The following RAB38 variants were observed in gnomAD, a reference collection of about 807,000 sequenced individuals.
The protein encoded by RAB38 is ras-related protein Rab-38.
A neutral mutation model predicts 18.4 loss-of-function variants in RAB38; 15 were observed. The observed-to-expected ratio is 0.82, with a 90% CI of 0.55 to 1.26. The LOEUF is 1.26. RAB38 is among the 50% of genes most tolerant of loss of function. The pLI is 0.00. For missense variants in RAB38, 294 were observed against 267.4 expected (o/e 1.10, Z -0.69); for synonymous variants, 101 against 104.4 (o/e 0.97, Z 0.20).
chr11:88,071,749 C>G, the RAB38 span, among the ~76,000 whole-genome samples: 1 of 152,072 alleles, frequency 6.6e-6, no homozygotes, highest in Admixed American at 6.6e-5. Flanking sequence ...AGAAAGAATC[C>G]CTTTATGATA....
chr11:87,971,973 T>A, the RAB38 span, among the ~76,000 whole-genome samples: 1 of 151,882 alleles, frequency 6.6e-6, no homozygotes, highest in Non-Finnish European at 1.5e-5. Flanking sequence ...CCACCTGAAC[T>A]GACTCCACTA....
chr11:87,976,518 T>G, the RAB38 span, among the ~76,000 whole-genome samples: 1 of 14 alleles, frequency 0.071, no homozygotes, highest in Admixed American at 0.17. Context: ...TATATTTATA[T>G]TTTATATATA....
the RAB38 span, among the ~76,000 whole-genome samples, chr11:88,087,488 T>A: frequency 6.6e-6 from 1 of 151,874 alleles, no homozygotes; most frequent in Admixed American, 6.6e-5. Flanking sequence ...AGGAAAGAAT[T>A]CAAGGGCAAG....
the RAB38 span, among the ~76,000 whole-genome samples, chr11:87,966,177 C>A: frequency 2.6e-5 from 4 of 151,836 alleles, no homozygotes; most frequent in Admixed American, 6.6e-5. Flanking sequence ...CTCAACCAGA[C>A]GATAGTAGCC....
Position 88,118,426 on chromosome 11 carries a change from A to G in RAB38, c.484-4286T>C, listed in dbSNP as rs1306105939. 3.9e-5 allele frequency among the ~76,000 whole-genome samples: 6 copies of G among 152,194 alleles called. No individual in the cohort carries two copies. The East Asian group carries it at 7.7e-4, about 20-fold the overall frequency. ...CTGCCTGATAGAATTGCAGGTTCAG[A>G]CCCTTTGGGCAATTAGATTGCAATA... On this transcript the variant is annotated intron_variant, in intron 2 of 2. Transcript: ENST00000243662.
the RAB38 span, among the ~76,000 whole-genome samples, chr11:87,912,650 C>G: frequency 6.6e-6 from 1 of 151,568 alleles, no homozygotes; most frequent in Non-Finnish European, 1.5e-5. Flanking sequence ...CTTTAAAGAA[C>G]CAGCTTTTGG....
the RAB38 span, among the ~76,000 whole-genome samples, chr11:87,906,985 A>G: frequency 6.6e-6 from 1 of 151,850 alleles, no homozygotes; most frequent in Non-Finnish European, 1.5e-5. Context: ...GTATTAAGAT[A>G]TTTTCAGGTT....
the RAB38 span, among the ~76,000 whole-genome samples, chr11:87,832,570 C>T: frequency 6.6e-6 from 1 of 152,088 alleles, no homozygotes; most frequent in Non-Finnish European, 1.5e-5. Context: ...CACTGGGGGC[C>T]TCCCTTAACT....
the RAB38 span, among the ~76,000 whole-genome samples, chr11:88,036,305 G>T: frequency 1.3e-5 from 2 of 152,116 alleles, no homozygotes; most frequent in Non-Finnish European, 2.9e-5. Flanking sequence ...AGTGAAAAAT[G>T]ATGTTTAGAA....
At chr11:87,939,629 G>T in the RAB38 span, among the ~76,000 whole-genome samples, 1 of 152,082 alleles carries the variant, frequency 6.6e-6, no homozygotes, top group East Asian at 1.9e-4. Flanking sequence ...AGGCCGAGGA[G>T]CTAAGATAGC....
chr11:87,916,330 T>G, the RAB38 span, among the ~76,000 whole-genome samples: 1 of 152,074 alleles, frequency 6.6e-6, no homozygotes, highest in Non-Finnish European at 1.5e-5. Flanking sequence ...TGGGAGGTAT[T>G]TGAATCATGG....
chr11:88,056,544 C>T, the RAB38 span, among the ~76,000 whole-genome samples: 1 of 152,136 alleles, frequency 6.6e-6, no homozygotes, highest in African/African-American at 2.4e-5. Flanking sequence ...GTGGCTCACG[C>T]CTGTAATCCC....
chr11:88,043,967 T>TA, the RAB38 span, among the ~76,000 whole-genome samples: 4 of 152,348 alleles, frequency 2.6e-5, no homozygotes, highest in East Asian at 5.8e-4. Context: ...ACCTTTTTTT[T>TA]ACTCTCTTCT....
the RAB38 span, among the ~76,000 whole-genome samples, chr11:87,970,336 C>A: frequency 3.7e-4 from 56 of 152,210 alleles, no homozygotes; most frequent in Non-Finnish European, 5.7e-4. Context: ...TCACCTCCCC[C>A]CAATCTTAGC....
the RAB38 span, chr11:87,817,496 A>T: frequency 6.6e-6 from 1 of 152,182 alleles, no homozygotes; most frequent in African/African-American, 2.4e-5. Context: ...TTTGTCTTGA[A>T]ATAGTTTAAC....
the RAB38 span, among the ~76,000 whole-genome samples, chr11:87,971,821 T>G: frequency 6.6e-6 from 1 of 152,252 alleles, no homozygotes; most frequent in African/African-American, 2.4e-5. Context: ...ACTTTCACTC[T>G]ACTCTAAAAC....
the RAB38 span, among the ~76,000 whole-genome samples, chr11:88,097,638 TACAG>T: frequency 6.6e-6 from 1 of 151,898 alleles, no homozygotes; most frequent in African/African-American, 2.4e-5. Flanking sequence ...CATTCGCTAC[TACAG>T]AAAGAATTCG....
the RAB38 span, chr11:87,879,799 C>A: frequency 6.6e-6 from 1 of 151,492 alleles, no homozygotes; most frequent in African/African-American, 2.4e-5. Context: ...GCTGTTTTAA[C>A]CATAAACAAC....
chr11:87,913,947 T>C, the RAB38 span, among the ~76,000 whole-genome samples: 1 of 152,098 alleles, frequency 6.6e-6, no homozygotes, highest in African/African-American at 2.4e-5. Context: ...GAAATATTTT[T>C]TTTTTCTTTA....
Sources: gnomAD v4.1 joint callset for allele counts (sites outside exome capture counted in the v4.1 genomes callset) on GRCh38, gnomAD v4.1.1 for gene constraint, MANE v1.5 for transcripts, NCBI Gene and HGNC (gene_info 2026-07-23, HGNC 2026-07-21) for gene names.